KAT6B: variants seen among roughly 807,000 people sequenced by gnomAD.
The protein encoded by KAT6B is lysine acetyltransferase 6B, also known as histone acetyltransferase KAT6B.
KAT6B carries 10 observed loss-of-function variants against 187.5 expected under a neutral mutation model. The ratio of observed to expected loss-of-function variants is 0.05; its 90% confidence interval spans 0.03 to 0.09. The LOEUF is 0.09. Ranked by LOEUF, KAT6B falls within the 10% of genes least tolerant of loss-of-function variation. The pLI, the probability that KAT6B is intolerant of heterozygous loss-of-function variation, is 1.00. For synonymous variants in KAT6B, 861 were observed against 926.8 expected, an observed-to-expected ratio of 0.93 and a Z score of 1.29; for missense variants, 1,952 against 2,558.9, an observed-to-expected ratio of 0.76 and a Z score of 5.12.
At chr10:74,865,519 C>CT (rs757471353) in intron 3 of KAT6B, among the ~76,000 whole-genome samples, 328 of 143,454 alleles carry the variant, frequency 2.3e-3, no homozygotes, top group South Asian at 7.0e-3. Context: ...ATTATTTTAT[C>CT]TTTTTTTTTT....
At chr10:74,830,769 T>TATATATGTATA (rs58702000) in intron 1 of KAT6B, among the ~76,000 whole-genome samples, 1 of 7,738 alleles carries the variant, frequency 1.3e-4, no homozygotes, top group Admixed American at 2.9e-3. Context: ...TATATATATA[T>TATATATGTATA]TTTTTTTTTT....
At chr10:74,902,501 A>T (rs548095986) in intron 3 of KAT6B, among the ~76,000 whole-genome samples, 3 of 152,342 alleles carry the variant, frequency 2.0e-5, no homozygotes, top group African/African-American at 4.8e-5. Flanking sequence ...GAGAAAATTT[A>T]AAAAACTAAT....
rs1273739042 is a variant in KAT6B, at chr10:75,029,500, T to C, written c.4676T>C (p.Phe1559Ser). ...TQESSEQDDTFQDCAETQEAC... is the reference protein window; with the variant it reads ...TQESSEQDDTSQDCAETQEAC... ...GAGAGCAGCGAACAGGACGACACCTTTCAGGATTGTGCCGAGACTCAAGAG... is the reference window on the plus strand; with the variant it reads ...GAGAGCAGCGAACAGGACGACACCTCTCAGGATTGTGCCGAGACTCAAGAG... The change falls in exon 18 of 18, where the codon TTT becomes TCT. Residue 1559 changes from phenylalanine (F) to serine (S), a missense_variant. Physicochemically the swap from Phe to Ser is radical, Grantham distance 155 (BLOSUM62 -2). Coordinates refer to ENST00000287239, the MANE Select transcript of KAT6B (RefSeq NM_012330.4). The surrounding 1 kb of genome is among the most constrained non-coding windows in gnomAD (Gnocchi z 6.2). 1 of 1,614,078 alleles carries C rather than the reference T, an allele frequency of 6.2e-7. No homozygotes were observed. The highest frequency in any genetic ancestry group is 1.7e-5 in the Admixed American group (1 of 60,018).
chr10:75,016,526 G>A (rs557534857), intron 13 of KAT6B, among the ~76,000 whole-genome samples: 1 of 152,230 alleles, frequency 6.6e-6, no homozygotes, highest in Admixed American at 6.5e-5. Context: ...AGTTGATGTG[G>A]ATGAGGGGTT....
At chr10:75,000,462 AG>A (rs1336746942) in intron 13 of KAT6B, among the ~76,000 whole-genome samples, 2 of 152,138 alleles carry the variant, frequency 1.3e-5, no homozygotes, top group African/African-American at 4.8e-5. Flanking sequence ...TAGAACTATA[AG>A]GGTTCTAAAT....
At chr10:75,023,469 A>G (rs192523961) in intron 16 of KAT6B, 19 of 152,358 alleles carry the variant, frequency 1.2e-4, no homozygotes, top group African/African-American at 3.6e-4. Flanking sequence ...ATATAATAAA[A>G]GAAATTTGTT....
rs754487804 is a variant in KAT6B at position 75,022,005 on chromosome 10, C to T, written c.3146C>T (p.Pro1049Leu). Residue 1049 changes from proline (P) to leucine (L), a missense_variant, in exon 16 of 18, where the codon CCG becomes CTG. Physicochemically the swap from Pro to Leu is moderately conservative, Grantham distance 98. Around this residue, in one of 9 missense-constraint regions of KAT6B, gnomAD observed 758 missense variants for 891.4 expected, o/e 0.85. Transcript: ENST00000287239. Reference protein sequence around the residue: ...VQSKNKYLHSPESRPVTGERG... With the variant: ...VQSKNKYLHSLESRPVTGERG... ...TCGAAAAATAAATATTTGCATTCCC[C>T]GGAGAGCCGGCCAGTCACAGGGGAG... 3.3e-5 allele frequency: 53 copies of T among 1,613,864 alleles called. No individual in the cohort carries two copies. The highest frequency in any genetic ancestry group is 4.5e-5 in the East Asian group (2 of 44,892).
chr10:74,869,741 C>T (rs1164355157), intron 3 of KAT6B, among the ~76,000 whole-genome samples: 1 of 152,184 alleles, frequency 6.6e-6, no homozygotes, highest in Non-Finnish European at 1.5e-5. Context: ...TATTTTGTAA[C>T]TTAAGTTGTC....
At chr10:74,894,879 G>A (rs1370559537) in intron 3 of KAT6B, among the ~76,000 whole-genome samples, 1 of 151,988 alleles carries the variant, frequency 6.6e-6, no homozygotes, top group African/African-American at 2.4e-5. Context: ...AGTGAACATG[G>A]GTAAGCAAAA....
intron 3 of KAT6B, among the ~76,000 whole-genome samples, chr10:74,844,242 A>G (rs1841946425): frequency 6.6e-6 from 1 of 151,180 alleles, no homozygotes. Context: ...CTTGTTGCCC[A>G]GGCTGGAGTG....
Position 75,020,804 on chromosome 10 carries a change from G to A in KAT6B, c.2852G>A (p.Arg951Lys). The change falls in exon 14 of 18, where the codon AGA (arginine) becomes AAA (lysine). Residue 951 changes from arginine (R) to lysine (K), a missense_variant. Coordinates refer to ENST00000287239, the MANE Select transcript of KAT6B (RefSeq NM_012330.4). ...TLQHLHMIDK[R>K]DGRFVIIRRE... Reference sequence around the variant, plus strand: ...CAGCACCTCCACATGATCGACAAGAGAGATGGCAGGTGAGTCCTGGGACCC... The same window carrying A: ...CAGCACCTCCACATGATCGACAAGAAAGATGGCAGGTGAGTCCTGGGACCC... The A allele has an allele frequency of 7.4e-6, 12 of 1,613,930 alleles. No individual in the cohort carries two copies. The highest frequency in any genetic ancestry group is 9.3e-6 in the Non-Finnish European group (11 of 1,179,990).
chr10:75,005,326 T>TCCTG (rs1296933092), intron 13 of KAT6B, among the ~76,000 whole-genome samples: 1 of 151,974 alleles, frequency 6.6e-6, no homozygotes, highest in Non-Finnish European at 1.5e-5. Flanking sequence ...CAAGCAGTTC[T>TCCTG]CCTGCCTCAG....
At position 75,022,236 on chromosome 10, in the gene KAT6B, GT is replaced by G; in HGVS notation, c.3372+6del. The G allele has an allele frequency of 1.2e-6, 2 of 1,613,062 alleles. No homozygotes were observed. The highest frequency in any genetic ancestry group is 2.2e-5 in the South Asian group (2 of 91,074). On this transcript the variant is annotated splice_donor_region_variant and intron_variant, in intron 16 of 17. Coordinates refer to ENST00000287239, the MANE Select transcript of KAT6B (RefSeq NM_012330.4). Reference sequence around the variant, plus strand: ...TCAGTTGCCATAAAGAGAAAGGTAGGTGTCTGTTTAGATTTTCTGTGAGTCG... The same window carrying G: ...TCAGTTGCCATAAAGAGAAAGGTAGGGTCTGTTTAGATTTTCTGTGAGTCG...
intron 7 of KAT6B, among the ~76,000 whole-genome samples, chr10:74,974,256 A>G (rs1257159306): frequency 6.6e-6 from 1 of 151,850 alleles, no homozygotes; most frequent in Non-Finnish European, 1.5e-5. Context: ...AGCTGCACCT[A>G]CCTCCCCTTC....
intron 3 of KAT6B, among the ~76,000 whole-genome samples, chr10:74,936,116 T>C (rs940546400): frequency 8.6e-5 from 13 of 152,010 alleles, no homozygotes; most frequent in African/African-American, 2.9e-4. Flanking sequence ...TGTTAAGAAA[T>C]TTTGGGCCGG....
chr10:74,870,234 A>G (rs1843819016), intron 3 of KAT6B, among the ~76,000 whole-genome samples: 1 of 152,186 alleles, frequency 6.6e-6, no homozygotes, highest in South Asian at 2.1e-4. Flanking sequence ...TTGAGTCTGC[A>G]GTGAGCCATG....
At chr10:74,832,630 G>T (rs1289218718) in intron 1 of KAT6B, among the ~76,000 whole-genome samples, 1 of 151,834 alleles carries the variant, frequency 6.6e-6, no homozygotes, top group Non-Finnish European at 1.5e-5. Flanking sequence ...GCCTCCCAAA[G>T]AGCTGGGATT....
At chr10:75,024,638 G>A (rs927315520) in intron 16 of KAT6B, among the ~76,000 whole-genome samples, 5 of 152,226 alleles carry the variant, frequency 3.3e-5, no homozygotes, top group Admixed American at 3.3e-4. Flanking sequence ...GAGGAATATT[G>A]AAGCCAGCAA....
At chr10:75,012,711 G>T (rs964194427) in intron 13 of KAT6B, among the ~76,000 whole-genome samples, 3 of 152,130 alleles carry the variant, frequency 2.0e-5, no homozygotes, top group Non-Finnish European at 2.9e-5. Context: ...CTTTCCCTGG[G>T]GGACTGACAT....
Sources: allele counts gnomAD v4.1 joint callset (sites outside exome capture counted in the v4.1 genomes callset), GRCh38; gene constraint gnomAD v4.1.1; regional missense constraint gnomAD v4.1.1; non-coding constraint Gnocchi (gnomAD v3.1); transcripts MANE v1.5; gene names NCBI Gene and HGNC (gene_info 2026-07-23, HGNC 2026-07-21).